CEP83: variants seen among roughly 807,000 people sequenced by gnomAD.
The protein encoded by CEP83 is centrosomal protein 83, also known as centrosomal protein of 83 kDa.
Under a neutral mutation model 101.9 loss-of-function variants are expected in CEP83, and 70 were observed. That is an observed-to-expected ratio of 0.69 (90% CI 0.57 to 0.84). The LOEUF (loss-of-function observed/expected upper bound fraction) is 0.84. Ranked by LOEUF, CEP83 falls within the 40% of genes least tolerant of loss-of-function variation. The pLI is 0.00. For missense variants in CEP83, 715 were observed against 787.2 expected, an observed-to-expected ratio of 0.91 and a Z score of 1.10; for synonymous variants, 264 against 267.9, an observed-to-expected ratio of 0.99 and a Z score of 0.14.
chr12:94,383,362 G>A (rs866299000), intron 6 of CEP83, among the ~76,000 whole-genome samples: 7 of 151,882 alleles, frequency 4.6e-5, no homozygotes, highest in Admixed American at 1.3e-4. Flanking sequence ...AGTTTATGCC[G>A]GCAACACAGC....
intron 14 of CEP83, among the ~76,000 whole-genome samples, chr12:94,330,677 TA>T (rs570480479): frequency 6.6e-4 from 100 of 152,314 alleles, no homozygotes; most frequent in African/African-American, 2.3e-3. Context: ...AAAAGCCTTT[TA>T]ACCACAAAAG....
intron 14 of CEP83, among the ~76,000 whole-genome samples, chr12:94,326,716 T>C (rs925927595): frequency 6.6e-6 from 1 of 152,040 alleles, no homozygotes; most frequent in Non-Finnish European, 1.5e-5. Flanking sequence ...GAGCTACAGA[T>C]ACACAGGGAG....
intron 6 of CEP83, among the ~76,000 whole-genome samples, chr12:94,398,653 A>G (rs2063054740): frequency 1.3e-5 from 2 of 152,220 alleles, no homozygotes; most frequent in South Asian, 2.1e-4. Context: ...TTCAGGGAAC[A>G]AGGGAAGACA....
chr12:94,335,916 G>A, intron 11 of CEP83: 1 of 384,088 alleles, frequency 2.6e-6, no homozygotes, highest in South Asian at 3.9e-5. Context: ...CAGGGGTACT[G>A]GGGAACGCTA....
At chr12:94,424,209 T>C (rs1313231362) in intron 2 of CEP83, 2 of 1,610,404 alleles carry the variant, frequency 1.2e-6, no homozygotes, top group Non-Finnish European at 1.7e-6. Flanking sequence ...AGAGCTGTGG[T>C]GGGGTCATAG....
At chr12:94,309,426 G>A (rs966940750) in intron 16 of CEP83, among the ~76,000 whole-genome samples, 2 of 152,114 alleles carry the variant, frequency 1.3e-5, no homozygotes, top group Non-Finnish European at 2.9e-5. Context: ...ACAGGTTTAG[G>A]TTTGAAACTT....
chr12:94,425,043 G>A, intron 2 of CEP83: 1 of 531,274 alleles, frequency 1.9e-6, no homozygotes. Context: ...GACGGGGAGG[G>A]AGGGAGGAGG....
At chr12:94,268,298 G>A in the CEP83 span, among the ~76,000 whole-genome samples, 158 of 152,252 alleles carry the variant, frequency 1.0e-3, no homozygotes, top group African/African-American at 3.7e-3. Flanking sequence ...TAACAAAGAG[G>A]CCCTGGGAAG....
chr12:94,451,593 T>TC lies in CEP83; in HGVS notation c.-155+7963_-155+7964insG, dbSNP rs563498139. On this transcript the variant is annotated intron_variant, in intron 1 of 16. Transcript: ENST00000397809. ...CTGTGCAGGGAAATGCAAATTAAAA[T>TC]TACAATGGGATACTACTAGATACTA... Among the ~76,000 whole-genome samples, 291 of 151,568 alleles carry TC rather than the reference T, an allele frequency of 1.9e-3. 3 individuals are homozygous for TC. The highest frequency in any genetic ancestry group is 1.6e-3 in the Non-Finnish European group (110 of 67,872).
In CEP83 at chr12:94,368,053, T is replaced by C; in HGVS notation, c.1193+4A>G. ...AAGTCAAACTAAGGTAATTAAGTAC[T>C]TACTTTTCATCTTGTAATACCACAA... is the stretch of plus-strand genomic sequence containing the variant. On this transcript the variant is annotated splice_donor_region_variant and intron_variant, in intron 10 of 16. Transcript: ENST00000397809. The C allele has an allele frequency of 6.2e-7, 1 of 1,611,936 alleles. No homozygotes were observed. Among genetic ancestry groups the C allele is most frequent in the Non-Finnish European group, 8.5e-7 (1 of 1,178,872 alleles).
intron 2 of CEP83, among the ~76,000 whole-genome samples, chr12:94,416,572 AC>A (rs1490288524): frequency 8.2e-5 from 9 of 110,096 alleles, no homozygotes; most frequent in African/African-American, 2.8e-4. Context: ...ACACACACAC[AC>A]AAAAAAAAAA....
chr12:94,399,227 G>T (rs1337359488), intron 6 of CEP83, among the ~76,000 whole-genome samples: 2 of 152,104 alleles, frequency 1.3e-5, no homozygotes, highest in Admixed American at 6.6e-5. Context: ...AGGCTCAGGT[G>T]GGCATCACAG....
chr12:94,296,965 G>A, the CEP83 span, among the ~76,000 whole-genome samples: 1 of 152,136 alleles, frequency 6.6e-6, no homozygotes, highest in Non-Finnish European at 1.5e-5. Flanking sequence ...GAGATCACTA[G>A]GGAATCTACT....
chr12:94,294,629 G>C, the CEP83 span: 1 of 630,280 alleles, frequency 1.6e-6, no homozygotes, highest in Non-Finnish European at 2.9e-6. Context: ...TGTCACAAAG[G>C]TGAGATTGAG....
At chr12:94,285,948 G>A in the CEP83 span, among the ~76,000 whole-genome samples, 1 of 152,208 alleles carries the variant, frequency 6.6e-6, no homozygotes, top group Non-Finnish European at 1.5e-5. Context: ...AGAGGCAGGG[G>A]ATGGGGCTAC....
At position 94,400,832 on chromosome 12, in the gene CEP83, G is replaced by T; in HGVS notation, c.549+18C>A. ...GACCAGAACAATAACAAAGAAACTCGTATAATCAATCACTTACCTCTGATT... is the reference window on the plus strand; with the variant it reads ...GACCAGAACAATAACAAAGAAACTCTTATAATCAATCACTTACCTCTGATT... On this transcript the variant is annotated intron_variant, in intron 6 of 16. Transcript: ENST00000397809. 7.3e-7 allele frequency: 1 copy of T among 1,377,006 alleles called. No homozygotes were observed. Among genetic ancestry groups the T allele is most frequent in the Non-Finnish European group, 9.5e-7 (1 of 1,051,586 alleles). The allele number at this position is 1,377,006 out of a possible 1,614,324, so 85.3% of individuals were successfully genotyped here.
At chr12:94,345,770 G>A (rs2059907322) in intron 11 of CEP83, among the ~76,000 whole-genome samples, 1 of 152,210 alleles carries the variant, frequency 6.6e-6, no homozygotes, top group Non-Finnish European at 1.5e-5. Context: ...CACAGGACTT[G>A]TTACAATTCT....
chr12:94,345,310 G>C (rs2059881277), intron 11 of CEP83, among the ~76,000 whole-genome samples: 1 of 152,154 alleles, frequency 6.6e-6, no homozygotes, highest in South Asian at 2.1e-4. Flanking sequence ...ATATACATAT[G>C]GGTTTACATT....
intron 2 of CEP83, among the ~76,000 whole-genome samples, chr12:94,428,038 A>G (rs182811510): frequency 5.1e-4 from 78 of 152,350 alleles, no homozygotes; most frequent in African/African-American, 1.8e-3. Flanking sequence ...AAGGAAGAAG[A>G]TATGTATTCA....
Sources: allele counts gnomAD v4.1 joint callset (sites outside exome capture counted in the v4.1 genomes callset), GRCh38; gene constraint gnomAD v4.1.1; transcripts MANE v1.5; gene names NCBI Gene and HGNC (gene_info 2026-07-23, HGNC 2026-07-21).